Variants in CNPY1 observed in about 807,000 individuals in gnomAD.
CNPY1 encodes protein canopy homolog 1.
CNPY1 carries 14 observed loss-of-function variants against 14.4 expected under a neutral mutation model. The ratio of observed to expected loss-of-function variants is 0.97; its 90% CI spans 0.64 to 1.52. The LOEUF is 1.52. Among genes scored for constraint, CNPY1 ranks in the 40% most tolerant of loss-of-function variants. The pLI is 0.00. For missense variants in CNPY1, 129 were observed against 131.5 expected, an observed-to-expected ratio of 0.98 and a Z score of 0.09; for synonymous variants, 43 against 46.5, an observed-to-expected ratio of 0.92 and a Z score of 0.31.
chr7:155,503,725 C>T (rs1424618), intron 4 of CNPY1, among the ~76,000 whole-genome samples: 33,851 of 152,080 alleles, frequency 0.22, 5,340 homozygotes, highest in African/African-American at 0.45. Flanking sequence ...CATCTTCATA[C>T]GCTGCATTTG....
chr7:155,527,298 G>T (rs1444660302), intron 2 of CNPY1, among the ~76,000 whole-genome samples: 1 of 151,680 alleles, frequency 6.6e-6, no homozygotes, highest in African/African-American at 2.4e-5. Flanking sequence ...CTGCTGCCTG[G>T]TGTCTGAGCG....
In CNPY1 at chr7:155,545,937, C is replaced by T. The variant is rs1797151711; in HGVS notation, c.-8G>A. The T allele has an allele frequency of 7.5e-6, 3 of 398,512 alleles. No homozygotes were observed. The highest frequency in any genetic ancestry group is 2.5e-4 in the South Asian group (2 of 7,860). The allele number at this position is 398,512 out of a possible 1,614,324, so 24.7% of individuals were successfully genotyped here. The stretch of plus-strand genomic sequence containing the variant: ...GTGCTCTATCTCGTCCATCAGCGCC[C>T]TGCACGCTAAACAAGACACAAAACA... On this transcript the variant is annotated 5_prime_UTR_variant, in exon 2 of 5. Coordinates refer to ENST00000636446, the MANE Select transcript of CNPY1 (RefSeq NM_001393663.1).
intron 2 of CNPY1, among the ~76,000 whole-genome samples, chr7:155,509,535 A>AGGGAGAGAGAGC (rs1020875921): frequency 6.6e-6 from 1 of 151,360 alleles, no homozygotes; most frequent in African/African-American, 2.4e-5. Context: ...AGAGAGAGGG[A>AGGGAGAGAGAGC]GGGAGAGAGA....
chr7:155,507,416 T>C (rs894345746), intron 3 of CNPY1, among the ~76,000 whole-genome samples: 5 of 123,860 alleles, frequency 4.0e-5, no homozygotes, highest in African/African-American at 6.5e-5. Context: ...CTGGAAGTCA[T>C]AGGAAGAAAT....
chr7:155,516,139 T>C (rs562893301), intron 2 of CNPY1, among the ~76,000 whole-genome samples: 4 of 152,242 alleles, frequency 2.6e-5, no homozygotes, highest in Admixed American at 6.5e-5. Flanking sequence ...TCGAAGGGAA[T>C]GGTCCACTGA....
At chr7:155,508,106 G>C (rs926570040) in intron 3 of CNPY1, among the ~76,000 whole-genome samples, 2 of 152,192 alleles carry the variant, frequency 1.3e-5, no homozygotes, top group East Asian at 3.8e-4. Flanking sequence ...AGCAGGCCTG[G>C]TATTTTGGCC....
intron 2 of CNPY1, among the ~76,000 whole-genome samples, chr7:155,542,503 G>A (rs920624098): frequency 6.6e-6 from 1 of 152,198 alleles, no homozygotes; most frequent in South Asian, 2.1e-4. Context: ...TCACTGCTGG[G>A]CCTCACGTGG....
At chr7:155,505,153 G>T (rs1270087045) in intron 4 of CNPY1, among the ~76,000 whole-genome samples, 1 of 152,110 alleles carries the variant, frequency 6.6e-6, no homozygotes, top group African/African-American at 2.4e-5. Flanking sequence ...TTTATTCTCG[G>T]TTTTTAACTT....
chr7:155,512,461 G>C (rs1796547826), intron 2 of CNPY1, among the ~76,000 whole-genome samples: 1 of 152,174 alleles, frequency 6.6e-6, no homozygotes, highest in Non-Finnish European at 1.5e-5. Context: ...CTTGTTGTGT[G>C]AGCAATGGAA....
At chr7:155,535,762 A>T (rs1797016256) in intron 2 of CNPY1, among the ~76,000 whole-genome samples, 1 of 152,122 alleles carries the variant, frequency 6.6e-6, no homozygotes, top group South Asian at 2.1e-4. Flanking sequence ...TTGCAGCTGG[A>T]GGGTTCTATG....
chr7:155,533,155 C>T (rs2116744869), intron 2 of CNPY1, among the ~76,000 whole-genome samples: 1 of 152,342 alleles, frequency 6.6e-6, no homozygotes, highest in South Asian at 2.1e-4. Flanking sequence ...TCACACCACA[C>T]AGGCAGCCGC....
intron 1 of CNPY1, among the ~76,000 whole-genome samples, 155 bp from the exon 2 acceptor site, chr7:155,546,098 A>G (rs1463561102): frequency 6.6e-6 from 1 of 152,214 alleles, no homozygotes; most frequent in Non-Finnish European, 1.5e-5. Flanking sequence ...CAGAGTTTTC[A>G]AAGACAGTGA....
At position 155,502,942 on chromosome 7, in the gene CNPY1, G is replaced by T; in HGVS notation, c.*126C>A. 2 of 766,380 alleles carry T rather than the reference G, an allele frequency of 2.6e-6. No homozygotes were observed. Among genetic ancestry groups the T allele is most frequent in the South Asian group, 1.8e-5 (1 of 54,916 alleles). The allele number at this position is 766,380 out of a possible 1,614,324, so 47.5% of individuals were successfully genotyped here. ...ATTTTCAAAATGAATCATAAACGGA[G>T]ACAAACACGGTATAAACAAGAGACA... On this transcript the variant is annotated 3_prime_UTR_variant, in exon 5 of 5. Transcript: ENST00000636446.
intron 2 of CNPY1, among the ~76,000 whole-genome samples, chr7:155,540,651 G>A (rs1368438472): frequency 6.6e-6 from 1 of 152,250 alleles, no homozygotes; most frequent in South Asian, 2.1e-4. Flanking sequence ...ACGCCCCTGA[G>A]CTCTGCTTCA....
chr7:155,523,932 G>A (rs535950128), intron 2 of CNPY1, among the ~76,000 whole-genome samples: 1 of 152,256 alleles, frequency 6.6e-6, no homozygotes, highest in African/African-American at 2.4e-5. Context: ...AGAGGCAGAG[G>A]CTGGGGTGAT....
At position 155,501,287 on chromosome 7, in the gene CNPY1, G is replaced by T. The variant is rs1796099513; in HGVS notation, c.*1781C>A. 6.6e-6 allele frequency: 1 copy of T among 152,160 alleles called. No homozygotes were observed. The highest frequency in any genetic ancestry group is 1.5e-5 in the Non-Finnish European group (1 of 68,018). The allele number at this position is 152,160 out of a possible 1,614,324, so 9.4% of individuals were successfully genotyped here. Reference sequence around the variant, plus strand: ...CCATGAAAGGCACCCCTCAGTGACAGGAGGTGCACCTCCCCACGTCCGTTT... The same window carrying T: ...CCATGAAAGGCACCCCTCAGTGACATGAGGTGCACCTCCCCACGTCCGTTT... On this transcript the variant is annotated 3_prime_UTR_variant, in exon 5 of 5. Transcript: ENST00000636446.
At chr7:155,540,030 A>G (rs956281053) in intron 2 of CNPY1, among the ~76,000 whole-genome samples, 3 of 152,172 alleles carry the variant, frequency 2.0e-5, no homozygotes, top group Non-Finnish European at 4.4e-5. Context: ...AGAACAGATG[A>G]AAAGTCTGGG....
intron 2 of CNPY1, among the ~76,000 whole-genome samples, chr7:155,509,557 A>C (rs993925725): frequency 4.6e-5 from 7 of 151,930 alleles, no homozygotes; most frequent in Non-Finnish European, 8.8e-5. Context: ...CGAGAGAGAG[A>C]GCGCGCGCTC....
At chr7:155,528,509 G>A (rs1796871196) in intron 2 of CNPY1, among the ~76,000 whole-genome samples, 1 of 152,198 alleles carries the variant, frequency 6.6e-6, no homozygotes, top group African/African-American at 2.4e-5. Context: ...CATTCTAACT[G>A]GAGAGAAGGG....
Sources: allele counts gnomAD v4.1 joint callset (sites outside exome capture counted in the v4.1 genomes callset), GRCh38; gene constraint gnomAD v4.1.1; transcripts MANE v1.5; gene names NCBI Gene and HGNC (gene_info 2026-07-23, HGNC 2026-07-21).